The following MCAT variants were observed in gnomAD, a reference collection of about 807,000 sequenced individuals.
MCAT encodes malonyl-CoA-acyl carrier protein transacylase.
MCAT carries 22 observed loss-of-function variants against 22.9 expected under a neutral mutation model. The ratio of observed to expected loss-of-function variants is 0.96; its 90% confidence interval spans 0.69 to 1.37. MCAT has a LOEUF of 1.37. Among genes scored for constraint, MCAT ranks in the 40% most tolerant of loss-of-function variants. The pLI is 0.00. For synonymous variants in MCAT, 240 were observed against 233.9 expected, an observed-to-expected ratio of 1.03 and a Z score of -0.24; for missense variants, 534 against 533.6, an observed-to-expected ratio of 1.00 and a Z score of -0.01.
chr22:43,141,327 C>G lies in MCAT; in HGVS notation c.424-78G>C. The G allele has an allele frequency of 7.1e-6, 9 of 1,265,546 alleles. No homozygotes were observed. The South Asian group carries it at 7.2e-5, about 10-fold the overall frequency. The allele number at this position is 1,265,546 out of a possible 1,614,324, so 78.4% of individuals were successfully genotyped here. The stretch of plus-strand genomic sequence containing the variant: ...CCAGGGCTCTGTACCTGAGAGCTGG[C>G]GGGGTGTTCAGCATCTCAGTGAGCC... On this transcript the variant is annotated intron_variant, in intron 1 of 3. Coordinates refer to ENST00000290429, the MANE Select transcript of MCAT (RefSeq NM_173467.5).
At position 43,143,395 on chromosome 22, in the gene MCAT, C is replaced by T. The variant is rs1930845096; in HGVS notation, c.-47G>A. 1.8e-5 allele frequency: 23 copies of T among 1,303,836 alleles called. No individual in the cohort carries two copies. The highest frequency in any genetic ancestry group is 1.6e-4 in the South Asian group (8 of 51,420). 80.8% of individuals were successfully genotyped at this position (1,303,836 alleles called of 1,614,324 possible). Reference sequence around the variant, plus strand: ...CGTTACCGTGGCGACCGAGGCCCGACTGCGGCGGCGCGGCGCAGCGTGGTC... The same window carrying T: ...CGTTACCGTGGCGACCGAGGCCCGATTGCGGCGGCGCGGCGCAGCGTGGTC... On this transcript the variant is annotated 5_prime_UTR_variant, in exon 1 of 4. Transcript: ENST00000290429.
chr22:43,132,948 A>T lies in MCAT; in HGVS notation c.*95T>A, dbSNP rs980178800. On this transcript the variant is annotated 3_prime_UTR_variant, in exon 4 of 4. Coordinates refer to ENST00000290429, the MANE Select transcript of MCAT (RefSeq NM_173467.5). ...CAAACAAATCCCTTTCACTCCTCAG[A>T]GGAGGAGCCATTAGGAAGGTAGGGG... The T allele has an allele frequency of 2.2e-5, 25 of 1,154,942 alleles. No homozygotes were observed. The Admixed American group carries it at 5.6e-4, about 26-fold the overall frequency. The allele number at this position is 1,154,942 out of a possible 1,614,324, so 71.5% of individuals were successfully genotyped here. A position where few individuals can be genotyped will look rare whatever the true frequency, so the allele number is the denominator to read the frequency against.
intron 3 of MCAT, among the ~76,000 whole-genome samples, chr22:43,134,238 C>A (rs1230214910): frequency 4.6e-5 from 7 of 152,178 alleles, no homozygotes; most frequent in Non-Finnish European, 1.0e-4. Flanking sequence ...AAAGAGCTCT[C>A]CTCTTGATGC....
At chr22:43,134,655 C>T (rs1306264534) in intron 3 of MCAT, among the ~76,000 whole-genome samples, 1 of 152,196 alleles carries the variant, frequency 6.6e-6, no homozygotes. Context: ...AAGCAGAACC[C>T]AGCCTGGCGA....
chr22:43,132,611 G>C lies in MCAT; in HGVS notation c.*432C>G. 1 of 172,212 alleles carries C rather than the reference G, an allele frequency of 5.8e-6. No homozygotes were observed. Among genetic ancestry groups the C allele is most frequent in the East Asian group, 1.6e-4 (1 of 6,378 alleles). The allele number at this position is 172,212 out of a possible 1,614,324, so 10.7% of individuals were successfully genotyped here. ...TCAGATTTGTGACAAAGGAGCCCTG[G>C]GGGGCAGGCTGGGGGTGGTGGAGGG... On this transcript the variant is annotated 3_prime_UTR_variant, in exon 4 of 4. Transcript: ENST00000290429.
chr22:43,135,838 C>T (rs934887242), intron 3 of MCAT, among the ~76,000 whole-genome samples: 2 of 152,130 alleles, frequency 1.3e-5, no homozygotes, highest in Admixed American at 1.3e-4. Context: ...GGTCAAGTGG[C>T]GGAAACAGAC....
chr22:43,133,000 C>T lies in MCAT; in HGVS notation c.*43G>A. ...CGACAGGCACAGCCTACAGCCTCTC[C>T]TCAGGAGGACAGAGGGGGTCATCGC... is the stretch of plus-strand genomic sequence containing the variant. On this transcript the variant is annotated 3_prime_UTR_variant, in exon 4 of 4. Coordinates refer to ENST00000290429, the MANE Select transcript of MCAT (RefSeq NM_173467.5). 6.3e-7 allele frequency: 1 copy of T among 1,582,540 alleles called. No homozygotes were observed. Among genetic ancestry groups the T allele is most frequent in the Non-Finnish European group, 8.6e-7 (1 of 1,157,976 alleles).
chr22:43,143,273 G>T lies in MCAT; in HGVS notation c.76C>A (p.Pro26Thr). Residue 26 changes from proline (P) to threonine (T), a missense_variant, in exon 1 of 4, where the codon CCG becomes ACG. Transcript: ENST00000290429. ...ASYRRGASSF[P>T]VPPPGAQGVA... ...CCCTGGGCGCCCGGCGGAGGCACCGGGAAGCTCGAGGCGCCGCGGCGGTAG... is the reference window on the plus strand; with the variant it reads ...CCCTGGGCGCCCGGCGGAGGCACCGTGAAGCTCGAGGCGCCGCGGCGGTAG... 6.9e-7 allele frequency: 1 copy of T among 1,439,260 alleles called. No homozygotes were observed. Among genetic ancestry groups the T allele is most frequent in the East Asian group, 2.9e-5 (1 of 34,470 alleles). 89.2% of individuals were successfully genotyped at this position (1,439,260 alleles called of 1,614,324 possible). A position where few individuals can be genotyped will look rare whatever the true frequency, so the allele number is the denominator to read the frequency against.
intron 1 of MCAT, 30 bp from the exon 2 acceptor site, chr22:43,141,279 T>C (rs777414475): frequency 6.3e-7 from 1 of 1,583,416 alleles, no homozygotes; most frequent in Non-Finnish European, 8.7e-7. Context: ...ACGTGAGCCC[T>C]CACTCTCCTG....
intron 2 of MCAT, among the ~76,000 whole-genome samples, chr22:43,138,829 C>G (rs1194739278): frequency 6.6e-6 from 1 of 152,128 alleles, no homozygotes; most frequent in Non-Finnish European, 1.5e-5. Flanking sequence ...GAAGAGATGA[C>G]CAGACTGAGA....
chr22:43,138,938 G>C (rs903933933), intron 2 of MCAT, among the ~76,000 whole-genome samples: 11 of 152,148 alleles, frequency 7.2e-5, no homozygotes, highest in African/African-American at 2.7e-4. Flanking sequence ...CTATGTACTG[G>C]ACTTTTAGCT....
intron 1 of MCAT, among the ~76,000 whole-genome samples, chr22:43,142,109 G>A (rs1930785556): frequency 1.3e-5 from 2 of 152,220 alleles, no homozygotes; most frequent in Admixed American, 1.3e-4. Flanking sequence ...AACCTCACAA[G>A]GTGGTGTGAA....
chr22:43,136,153 A>T (rs922814410), intron 3 of MCAT, among the ~76,000 whole-genome samples: 12 of 152,266 alleles, frequency 7.9e-5, no homozygotes, highest in Admixed American at 7.2e-4. Flanking sequence ...CTAAGGTAGG[A>T]GGAACACTTG....
chr22:43,138,049 C>A (rs57816838), intron 2 of MCAT, among the ~76,000 whole-genome samples: 2 of 151,938 alleles, frequency 1.3e-5, no homozygotes, highest in Non-Finnish European at 2.9e-5. Flanking sequence ...CATAGGGAGA[C>A]CCTGTCCCTG....
intron 2 of MCAT, among the ~76,000 whole-genome samples, chr22:43,140,547 A>C (rs1203731294): frequency 6.6e-6 from 1 of 152,098 alleles, no homozygotes; most frequent in Non-Finnish European, 1.5e-5. Flanking sequence ...TGGGGTTTTC[A>C]CCATGTTGCC....
rs737802 is a variant in MCAT, at chr22:43,132,787, T to C, written c.*256A>G. On this transcript the variant is annotated 3_prime_UTR_variant, in exon 4 of 4. Transcript: ENST00000290429. ...GCTGGCAGAGGCGGGGCCAGGATTCTAGCTTCCCCACACACCAGCCCTGTG... is the reference window on the plus strand; with the variant it reads ...GCTGGCAGAGGCGGGGCCAGGATTCCAGCTTCCCCACACACCAGCCCTGTG... 0.59 allele frequency: 293,095 copies of C among 493,902 alleles called. 94,426 individuals are homozygous for C. Among genetic ancestry groups the C allele is most frequent in the Non-Finnish European group, 0.68 (185,793 of 272,344 alleles). 30.6% of individuals were successfully genotyped at this position (493,902 alleles called of 1,614,324 possible).
rs565733253 is a variant in MCAT at position 43,133,966 on chromosome 22, C to T, written c.730-480G>A. Among the ~76,000 whole-genome samples, 29 of 151,968 alleles carry T rather than the reference C, an allele frequency of 1.9e-4. No homozygotes were observed. The East Asian group carries it at 4.5e-3, about 23-fold the overall frequency. On this transcript the variant is annotated intron_variant, in intron 3 of 3. Transcript: ENST00000290429. ...GACTACAGGCGCCCGCCACCACGCCCGGCTAATTTTTTGTATTAGCTGATC... is the reference window on the plus strand; with the variant it reads ...GACTACAGGCGCCCGCCACCACGCCTGGCTAATTTTTTGTATTAGCTGATC...
At chr22:43,137,599 C>T (rs566388064) in intron 2 of MCAT, among the ~76,000 whole-genome samples, 28 of 152,298 alleles carry the variant, frequency 1.8e-4, no homozygotes, top group Non-Finnish European at 3.5e-4. Context: ...AGACGTTTTC[C>T]GGTTGTTCTG....
rs150926882 is a variant in MCAT at position 43,133,385 on chromosome 22, G to A, written c.831C>T (p.Ala277=). The stretch of plus-strand genomic sequence containing the variant: ...TTAAAGCTTGCGTCAGGGGCTCCAC[G>A]GCTGGCTCCATGAGGCGGGTGTGGA... ...GAFHTRLMEP[A]VEPLTQALKA... Residue 277 remains alanine (A), a synonymous_variant, in exon 4 of 4, where the codon GCC becomes GCT. Transcript: ENST00000290429. 80 of 1,614,144 alleles carry A rather than the reference G, an allele frequency of 5.0e-5. 1 individual carries two copies. The highest frequency in any genetic ancestry group is 3.1e-4 in the African/African-American group (23 of 75,046).
Sources: allele counts gnomAD v4.1 joint callset (sites outside exome capture counted in the v4.1 genomes callset), GRCh38; gene constraint gnomAD v4.1.1; transcripts MANE v1.5; gene names NCBI Gene and HGNC (gene_info 2026-07-23, HGNC 2026-07-21).